The following SGCD variants were observed in gnomAD, a reference collection of about 807,000 sequenced individuals.
SGCD encodes the protein sarcoglycan delta.
Under a neutral mutation model 36.6 loss-of-function variants are expected in SGCD, and 18 were observed. The ratio of observed to expected loss-of-function variants is 0.49; its 90% confidence interval spans 0.34 to 0.73. The LOEUF is 0.73. Among genes scored for constraint, SGCD ranks in the 30% least tolerant of loss-of-function variants. The probability of loss-of-function intolerance (pLI) is 0.01; values close to 1 mark genes in which losing one functional copy is unlikely to be tolerated. For missense variants in SGCD, 387 were observed against 346.7 expected, an observed-to-expected ratio of 1.12 and a Z score of -0.92; for synonymous variants, 133 against 130.6, an observed-to-expected ratio of 1.02 and a Z score of -0.12.
chr5:156,444,064 TTCTCTCTCTCTCTCTCTCTCTCTCTC>T (rs535098783), intron 3 of SGCD, among the ~76,000 whole-genome samples: 3 of 34,486 alleles, frequency 8.7e-5, no homozygotes, highest in Admixed American at 3.2e-4. Context: ...CTTTCTCTCC[TTCTCTCTCTCTCTCTCTCTCTCTCTC>T]TCTCTCTCTC....
At chr5:156,542,607 G>T (rs1359394189) in intron 4 of SGCD, among the ~76,000 whole-genome samples, 2 of 152,094 alleles carry the variant, frequency 1.3e-5, no homozygotes, top group African/African-American at 2.4e-5. Context: ...AGTGAAGTAG[G>T]TACTACTATT....
At chr5:156,342,279 C>CA (rs1375474841) in intron 2 of SGCD, among the ~76,000 whole-genome samples, 1 of 152,200 alleles carries the variant, frequency 6.6e-6, no homozygotes, top group Non-Finnish European at 1.5e-5. Flanking sequence ...GCAATATCAC[C>CA]AGCTTCTGCA....
chr5:156,684,604 G>A (rs962691003), intron 7 of SGCD, among the ~76,000 whole-genome samples: 10 of 152,262 alleles, frequency 6.6e-5, no homozygotes, highest in African/African-American at 2.4e-4. Flanking sequence ...CCCCCAAACT[G>A]ATTTCAGGCT....
At chr5:156,223,204 C>A (rs1764762191) in intron 3 of SGCD, among the ~76,000 whole-genome samples, 1 of 152,030 alleles carries the variant, frequency 6.6e-6, no homozygotes, top group Non-Finnish European at 1.5e-5. Context: ...GGACTTCTGA[C>A]TCTTTGAATT....
chr5:155,728,193 C>A, the SGCD span, among the ~76,000 whole-genome samples: 3 of 152,086 alleles, frequency 2.0e-5, no homozygotes, highest in African/African-American at 7.2e-5. Flanking sequence ...CCGCGGCTCG[C>A]CCTCGCTCCC....
At chr5:156,068,655 G>T (rs925836981) in intron 1 of SGCD, among the ~76,000 whole-genome samples, 3 of 151,714 alleles carry the variant, frequency 2.0e-5, no homozygotes, top group Non-Finnish European at 4.4e-5. Flanking sequence ...GGATGGCTGG[G>T]TCAAATGGTA....
chr5:155,861,712 T>A, the SGCD span, among the ~76,000 whole-genome samples: 1 of 151,870 alleles, frequency 6.6e-6, no homozygotes, highest in Non-Finnish European at 1.5e-5. Flanking sequence ...AGCAAAACTC[T>A]GTTAAAAAAA....
At chr5:156,424,180 T>C (rs1773565585) in intron 3 of SGCD, among the ~76,000 whole-genome samples, 1 of 152,088 alleles carries the variant, frequency 6.6e-6, no homozygotes, top group African/African-American at 2.4e-5. Flanking sequence ...CCTTTTGTTT[T>C]TATATGTTCA....
At chr5:156,573,651 C>T (rs1759810331) in intron 4 of SGCD, among the ~76,000 whole-genome samples, 1 of 152,086 alleles carries the variant, frequency 6.6e-6, no homozygotes, top group Admixed American at 6.6e-5. Flanking sequence ...ACCAGAGAGT[C>T]AGCTAGATAC....
chr5:156,642,272 G>T (rs32059), intron 6 of SGCD, among the ~76,000 whole-genome samples: 12,454 of 151,968 alleles, frequency 0.082, 679 homozygotes, highest in Non-Finnish European at 0.12. Flanking sequence ...ATTTTGGGGG[G>T]ACACAAACAA....
chr5:156,306,552 C>T (rs1258971544), intron 3 of SGCD, among the ~76,000 whole-genome samples: 1 of 152,212 alleles, frequency 6.6e-6, no homozygotes, highest in Non-Finnish European at 1.5e-5. Context: ...CAAAGTCTCA[C>T]CATCACTGTA....
chr5:156,713,862 C>G (rs1755106827), intron 7 of SGCD, among the ~76,000 whole-genome samples: 2 of 152,196 alleles, frequency 1.3e-5, no homozygotes, highest in Non-Finnish European at 2.9e-5. Context: ...AGTGGCCTTG[C>G]CTTTGAGCTG....
intron 3 of SGCD, among the ~76,000 whole-genome samples, chr5:156,358,489 T>C (rs1371057719): frequency 6.6e-6 from 1 of 152,200 alleles, no homozygotes; most frequent in African/African-American, 2.4e-5. Context: ...TTGACAGCCT[T>C]ATGAATGAGA....
intron 1 of SGCD, among the ~76,000 whole-genome samples, chr5:155,972,559 G>A (rs1006653657): frequency 5.9e-5 from 9 of 152,016 alleles, no homozygotes; most frequent in East Asian, 1.9e-4. Context: ...GTTAGTAAAT[G>A]TTCATGATAT....
chr5:156,558,458 A>G (rs2113231077), intron 4 of SGCD, among the ~76,000 whole-genome samples: 1 of 152,108 alleles, frequency 6.6e-6, no homozygotes, highest in East Asian at 1.9e-4. Context: ...GTTTTGCCAC[A>G]CTCCTAAATT....
At chr5:155,732,042 G>A in the SGCD span, among the ~76,000 whole-genome samples, 1 of 152,304 alleles carries the variant, frequency 6.6e-6, no homozygotes, top group East Asian at 1.9e-4. Context: ...CTCAGCCAGG[G>A]TTACCTTCAT....
intron 3 of SGCD, among the ~76,000 whole-genome samples, chr5:156,250,301 A>C (rs1362443264): frequency 6.6e-6 from 1 of 152,198 alleles, no homozygotes; most frequent in African/African-American, 2.4e-5. Context: ...AGAAAGGATG[A>C]GTGATGGTTA....
rs182561196 is a variant in SGCD at position 156,646,042 on chromosome 5, A to G, written c.503-1422A>G. ...TCACAGAAGTTGAACTTCATGCCCA[A>G]GGTCACTCAGCTAATGAGTGGCTTT... On this transcript the variant is annotated intron_variant, in intron 6 of 8. Transcript: ENST00000337851. Among the ~76,000 whole-genome samples the G allele has an allele frequency of 4.6e-4, 70 of 152,242 alleles. 1 individual carries two copies. The highest frequency in any genetic ancestry group is 3.9e-4 in the Admixed American group (6 of 15,282).
At chr5:156,136,405 C>G (rs1467516535) in intron 3 of SGCD, among the ~76,000 whole-genome samples, 2 of 152,238 alleles carry the variant, frequency 1.3e-5, no homozygotes, top group Non-Finnish European at 2.9e-5. Flanking sequence ...AGTCATTATG[C>G]TAGCCTCAAT....
Sources: gnomAD v4.1 joint callset for allele counts (sites outside exome capture counted in the v4.1 genomes callset) on GRCh38, gnomAD v4.1.1 for gene constraint, MANE v1.5 for transcripts, NCBI Gene and HGNC (gene_info 2026-07-23, HGNC 2026-07-21) for gene names.